CALN1: variants seen among roughly 807,000 people sequenced by gnomAD.
CALN1 encodes calcium-binding protein 8.
Under a neutral mutation model 30.6 loss-of-function variants are expected in CALN1, and 17 were observed. That is an observed-to-expected ratio of 0.56 (90% CI 0.38 to 0.83). CALN1 has a LOEUF of 0.83. CALN1 is among the 40% of genes least tolerant of loss of function. CALN1 has a pLI of 0.00. For synonymous variants in CALN1, 156 were observed against 131.4 expected, an observed-to-expected ratio of 1.19 and a Z score of -1.28; for missense variants, 291 against 354.9, an observed-to-expected ratio of 0.82 and a Z score of 1.45.
intron 2 of CALN1, among the ~76,000 whole-genome samples, chr7:72,393,047 T>A (rs1805679780): frequency 1.3e-5 from 2 of 151,772 alleles, no homozygotes; most frequent in South Asian, 4.2e-4. Context: ...ATGAATTCAG[T>A]CTCTCTCAGT....
chr7:71,794,842 GGCCCCC>G lies in CALN1; in HGVS notation c.659-6946_659-6941del, dbSNP rs369927216. Among the ~76,000 whole-genome samples, 696 of 152,020 alleles carry G rather than the reference GGCCCCC, an allele frequency of 4.6e-3. 8 individuals carry two copies. Among genetic ancestry groups the G allele is most frequent in the African/African-American group, 0.016 (670 of 41,450 alleles). Reference sequence around the variant, plus strand: ...AGACTCACCTTTCCCTTCCTGCAAAGGCCCCCGCTGATGGGAGAAGCCTGTTCCAGC... The same window carrying G: ...AGACTCACCTTTCCCTTCCTGCAAAGGCTGATGGGAGAAGCCTGTTCCAGC... On this transcript the variant is annotated intron_variant, in intron 6 of 6. Transcript: ENST00000395275.
At chr7:72,030,388 T>C (rs1028864830) in intron 4 of CALN1, among the ~76,000 whole-genome samples, 1 of 152,206 alleles carries the variant, frequency 6.6e-6, no homozygotes, top group African/African-American at 2.4e-5. Flanking sequence ...AAATGAAGAC[T>C]CTTCCCTCTA....
At chr7:72,458,228 A>T in the CALN1 span, among the ~76,000 whole-genome samples, 6 of 84,730 alleles carry the variant, frequency 7.1e-5, no homozygotes, top group African/African-American at 1.4e-4. Context: ...ATATTATATA[A>T]TATATTCTAT....
chr7:72,123,354 T>C (rs1030673969), intron 3 of CALN1, among the ~76,000 whole-genome samples: 1 of 152,124 alleles, frequency 6.6e-6, no homozygotes, highest in Non-Finnish European at 1.5e-5. Flanking sequence ...AAATGATAAA[T>C]GGTGGGAGTT....
At chr7:72,032,673 G>A (rs1333253824) in intron 4 of CALN1, among the ~76,000 whole-genome samples, 2 of 152,172 alleles carry the variant, frequency 1.3e-5, no homozygotes, top group South Asian at 4.1e-4. Context: ...ATAGCTATCA[G>A]GAGCTTTAAT....
Position 72,110,656 on chromosome 7 carries a change from CTTTTT to C in CALN1, c.245-4367_245-4363del, listed in dbSNP as rs111431336. Among the ~76,000 whole-genome samples the C allele has an allele frequency of 1.1e-3, 156 of 139,794 alleles. 1 individual carries two copies. Among genetic ancestry groups the C allele is most frequent in the African/African-American group, 3.6e-3 (139 of 38,156 alleles). The allele number at this position is 139,794 out of a possible 152,430, so 91.7% of individuals were successfully genotyped here. A position where few individuals can be genotyped will look rare whatever the true frequency, so the allele number is the denominator to read the frequency against. ...TGCAGAAGCAGACAAACCTCACTAA[CTTTTT>C]TTTTTTTTTTCAAAATAGCAGAAAC... On this transcript the variant is annotated intron_variant, in intron 3 of 6. Coordinates refer to ENST00000395275, the MANE Select transcript of CALN1 (RefSeq NM_031468.4).
chr7:72,302,249 G>A (rs1385343228), intron 2 of CALN1, among the ~76,000 whole-genome samples: 1 of 152,092 alleles, frequency 6.6e-6, no homozygotes, highest in Non-Finnish European at 1.5e-5. Flanking sequence ...GCTGCTATAT[G>A]GGATAAATGA....
intron 3 of CALN1, among the ~76,000 whole-genome samples, chr7:72,168,805 ATTTTT>A (rs3030351): frequency 7.8e-5 from 10 of 128,482 alleles, no homozygotes; most frequent in African/African-American, 2.0e-4. Flanking sequence ...TATTATTATT[ATTTTT>A]TTTTTTTTTT....
chr7:72,157,715 C>A (rs968143193), intron 3 of CALN1, among the ~76,000 whole-genome samples: 1 of 152,088 alleles, frequency 6.6e-6, no homozygotes, highest in African/African-American at 2.4e-5. Context: ...CAAAGGAAAA[C>A]CATTTGAAAG....
chr7:72,352,020 T>C (rs1237948818), intron 2 of CALN1, among the ~76,000 whole-genome samples: 1 of 152,234 alleles, frequency 6.6e-6, no homozygotes, highest in African/African-American at 2.4e-5. Flanking sequence ...GGCTCATGCC[T>C]GTAATCCCAG....
intron 5 of CALN1, among the ~76,000 whole-genome samples, chr7:71,974,610 T>A (rs552309940): frequency 6.6e-6 from 1 of 152,226 alleles, no homozygotes; most frequent in South Asian, 2.1e-4. Context: ...CAGAAAGCAG[T>A]AGACTATAGT....
intron 4 of CALN1, among the ~76,000 whole-genome samples, chr7:72,099,966 C>T (rs963108162): frequency 6.6e-6 from 1 of 151,964 alleles, no homozygotes; most frequent in East Asian, 1.9e-4. Context: ...TACCAGATGC[C>T]TGAGCCCTGA....
chr7:72,236,977 T>C (rs1158016576), intron 3 of CALN1, among the ~76,000 whole-genome samples: 1 of 151,938 alleles, frequency 6.6e-6, no homozygotes, highest in Admixed American at 6.6e-5. Context: ...AACTTTTTTT[T>C]TTCTATTTTT....
intron 6 of CALN1, among the ~76,000 whole-genome samples, chr7:71,809,220 C>T (rs1240353497): frequency 3.9e-5 from 6 of 152,066 alleles, no homozygotes; most frequent in East Asian, 1.9e-4. Flanking sequence ...CCTGTTCCCT[C>T]CTGTCGTGGC....
chr7:71,864,136 G>GA (rs1384412500), intron 5 of CALN1, among the ~76,000 whole-genome samples: 2 of 151,792 alleles, frequency 1.3e-5, no homozygotes, highest in African/African-American at 2.4e-5. Context: ...ATTGCAAATA[G>GA]AAAAAAAATA....
At chr7:72,021,957 C>T (rs1431998112) in intron 5 of CALN1, among the ~76,000 whole-genome samples, 1 of 152,124 alleles carries the variant, frequency 6.6e-6, no homozygotes, top group African/African-American at 2.4e-5. Context: ...TGGAATCAGC[C>T]TCACCTCTTC....
At chr7:72,145,984 A>C (rs1786686101) in intron 3 of CALN1, among the ~76,000 whole-genome samples, 1 of 152,182 alleles carries the variant, frequency 6.6e-6, no homozygotes, top group Admixed American at 6.5e-5. Flanking sequence ...AAATAATAAG[A>C]GCTATCTATG....
At chr7:72,023,505 A>T (rs1043509683) in intron 5 of CALN1, 152 bp downstream of exon 5, 8 of 501,946 alleles carry the variant, frequency 1.6e-5, no homozygotes, top group Non-Finnish European at 2.8e-5. Flanking sequence ...ACCCTAAAAA[A>T]GTAGTTGTTT....
chr7:72,088,749 G>GA (rs1805653591), intron 4 of CALN1, among the ~76,000 whole-genome samples: 1 of 145,796 alleles, frequency 6.9e-6, no homozygotes, highest in African/African-American at 2.5e-5. Context: ...AGGAAGGGAA[G>GA]GAAGGAAGAG....
Sources: allele counts gnomAD v4.1 joint callset (sites outside exome capture counted in the v4.1 genomes callset), GRCh38; gene constraint gnomAD v4.1.1; transcripts MANE v1.5; gene names NCBI Gene and HGNC (gene_info 2026-07-23, HGNC 2026-07-21).